ADORA2B: variants seen among roughly 807,000 people sequenced by gnomAD.
The protein encoded by ADORA2B is adenosine A2b receptor, also known as adenosine receptor A2b.
A neutral mutation model predicts 20.8 loss-of-function variants in ADORA2B; 18 were observed. The ratio of observed to expected loss-of-function variants is 0.87; its 90% CI spans 0.60 to 1.29. The LOEUF (loss-of-function observed/expected upper bound fraction) is 1.29, where lower values mean the gene tolerates loss of function less well. Among genes scored for constraint, ADORA2B ranks in the 50% most tolerant of loss-of-function variants. ADORA2B has a pLI of 0.00. For synonymous variants in ADORA2B, 179 were observed against 178.3 expected, an observed-to-expected ratio of 1.00 and a Z score of -0.03; for missense variants, 441 against 422.7, an observed-to-expected ratio of 1.04 and a Z score of -0.38.
the ADORA2B span, among the ~76,000 whole-genome samples, chr17:15,868,235 G>C: frequency 4.4e-5 from 6 of 136,430 alleles, 1 homozygote; most frequent in Non-Finnish European, 6.6e-5. Flanking sequence ...CAAACACTGC[G>C]GAAGGCTGCA....
chr17:15,962,635 G>T (rs1970055133), intron 1 of ADORA2B, among the ~76,000 whole-genome samples: 1 of 152,128 alleles, frequency 6.6e-6, no homozygotes, highest in South Asian at 2.1e-4. Context: ...AGGTTCAAGA[G>T]ATTCTGTGGC....
At chr17:15,953,386 C>T (rs1969929984) in intron 1 of ADORA2B, among the ~76,000 whole-genome samples, 2 of 152,114 alleles carry the variant, frequency 1.3e-5, no homozygotes, top group South Asian at 4.2e-4. Context: ...ACAAAAAGGC[C>T]CAAAAGGGAA....
chr17:15,899,818 G>T, the ADORA2B span, among the ~76,000 whole-genome samples: 1 of 151,452 alleles, frequency 6.6e-6, no homozygotes, highest in Admixed American at 6.6e-5. Flanking sequence ...GTGTTTATAT[G>T]TACCACATTT....
the ADORA2B span, among the ~76,000 whole-genome samples, chr17:15,920,831 C>T: frequency 6.6e-6 from 1 of 152,148 alleles, no homozygotes; most frequent in Non-Finnish European, 1.5e-5. Context: ...CAGGCCTCAT[C>T]CCTTGGAGGC....
intron 1 of ADORA2B, 165 bp from the exon 2 acceptor site, chr17:15,974,513 CA>C: frequency 1.7e-6 from 1 of 587,592 alleles, no homozygotes; most frequent in Non-Finnish European, 3.0e-6. Context: ...CAAAGCTGCT[CA>C]TCCCTGCTTG....
At chr17:15,957,276 C>T (rs1333046351) in intron 1 of ADORA2B, among the ~76,000 whole-genome samples, 1 of 152,150 alleles carries the variant, frequency 6.6e-6, no homozygotes, top group East Asian at 1.9e-4. Context: ...GTCCTGAGAA[C>T]CACAGATGGG....
the ADORA2B span, among the ~76,000 whole-genome samples, chr17:15,875,616 C>G: frequency 1.9e-3 from 283 of 152,342 alleles, 1 homozygote; most frequent in Non-Finnish European, 2.4e-3. Flanking sequence ...CGGAGTCTCA[C>G]TCTGTCGCCA....
chr17:15,940,900 G>A (rs1969738467), upstream of ADORA2B, among the ~76,000 whole-genome samples: 1 of 152,222 alleles, frequency 6.6e-6, no homozygotes, highest in Admixed American at 6.5e-5. Context: ...AGCTGTGGCA[G>A]CCTTTTTGTA....
chr17:15,956,754 G>A (rs372107040), intron 1 of ADORA2B, among the ~76,000 whole-genome samples: 5 of 151,888 alleles, frequency 3.3e-5, no homozygotes, highest in Non-Finnish European at 1.5e-5. Flanking sequence ...TGCCACCAAC[G>A]ATGCCCAGCT....
intron 1 of ADORA2B, among the ~76,000 whole-genome samples, chr17:15,959,187 G>A (rs1004580589): frequency 1.3e-5 from 2 of 152,068 alleles, no homozygotes; most frequent in African/African-American, 4.8e-5. Flanking sequence ...TGTTACAGAG[G>A]GATAAAATGC....
intron 1 of ADORA2B, among the ~76,000 whole-genome samples, chr17:15,963,026 C>A (rs1279488720): frequency 6.6e-6 from 1 of 152,068 alleles, no homozygotes; most frequent in Non-Finnish European, 1.5e-5. Flanking sequence ...TATATAAAAA[C>A]CAAGATTTGG....
the ADORA2B span, among the ~76,000 whole-genome samples, chr17:15,928,360 T>A: frequency 6.6e-6 from 1 of 151,880 alleles, no homozygotes; most frequent in Non-Finnish European, 1.5e-5. Context: ...CTTTTTTTTT[T>A]TTCTGAAAGT....
At chr17:15,916,030 G>A in the ADORA2B span, among the ~76,000 whole-genome samples, 3 of 152,266 alleles carry the variant, frequency 2.0e-5, no homozygotes, top group African/African-American at 7.2e-5. Flanking sequence ...TTTTCACATG[G>A]GATCACCTCA....
At chr17:15,964,482 G>A (rs1343640076) in intron 1 of ADORA2B, among the ~76,000 whole-genome samples, 2 of 151,398 alleles carry the variant, frequency 1.3e-5, no homozygotes, top group East Asian at 2.0e-4. Context: ...GGTGGCAGGC[G>A]CCTGTAATCC....
upstream of ADORA2B, among the ~76,000 whole-genome samples, chr17:15,944,040 G>A (rs140323520): frequency 6.6e-6 from 1 of 152,228 alleles, no homozygotes; most frequent in Non-Finnish European, 1.5e-5. This position sits in a 1 kb window ranked among gnomAD's most constrained non-coding sequence, Gnocchi z 4.8. Context: ...CAGGACTTTG[G>A]GGGTAAAAGG....
chr17:15,950,994 C>T (rs1011507221), intron 1 of ADORA2B, among the ~76,000 whole-genome samples: 4 of 152,192 alleles, frequency 2.6e-5, no homozygotes, highest in African/African-American at 9.7e-5. Context: ...GGATGCAGCG[C>T]GATGCCGGCA....
the ADORA2B span, among the ~76,000 whole-genome samples, chr17:15,930,442 T>C: frequency 6.6e-6 from 1 of 152,026 alleles, no homozygotes; most frequent in Non-Finnish European, 1.5e-5. Context: ...ACAACAGGTG[T>C]GCACCACCTC....
chr17:15,975,297 G>A lies in ADORA2B; in HGVS notation c.954G>A (p.Gly318=). ...TCTGCCAAGCAGATGTCAAGAGTGG[G>A]AATGGTCAGGCTGGGGTACAGCCTG... ...YLLCQADVKS[G]NGQAGVQPAL... The change falls in exon 2 of 2, where the codon GGG becomes GGA. Residue 318 remains glycine, a synonymous_variant. Coordinates refer to ENST00000304222, the MANE Select transcript of ADORA2B (RefSeq NM_000676.4). The A allele has an allele frequency of 1.2e-6, 2 of 1,613,122 alleles. No individual in the cohort carries two copies. Among genetic ancestry groups the A allele is most frequent in the Non-Finnish European group, 1.7e-6 (2 of 1,180,004 alleles).
At chr17:15,870,777 C>T in the ADORA2B span, among the ~76,000 whole-genome samples, 1 of 152,214 alleles carries the variant, frequency 6.6e-6, no homozygotes, top group African/African-American at 2.4e-5. Context: ...TGAGAGAGGT[C>T]TCTTGAGGGC....
Sources: gnomAD v4.1 joint callset for allele counts (sites outside exome capture counted in the v4.1 genomes callset) on GRCh38, gnomAD v4.1.1 for gene constraint, Gnocchi (gnomAD v3.1) non-coding constraint, MANE v1.5 for transcripts, NCBI Gene and HGNC (gene_info 2026-07-23, HGNC 2026-07-21) for gene names.